Variants in LAMA1 observed in about 807,000 individuals in gnomAD.
LAMA1 encodes the protein laminin subunit alpha 1, also known as laminin subunit alpha-1.
A neutral mutation model predicts 348.7 loss-of-function variants in LAMA1; 219 were observed. The ratio of observed to expected loss-of-function variants is 0.63; its 90% confidence interval spans 0.56 to 0.70. The LOEUF is 0.70. LAMA1 is among the 30% of genes least tolerant of loss of function. The pLI is 0.00. For missense variants in LAMA1, 3,744 were observed against 3,888.0 expected (o/e 0.96, Z 0.99); for synonymous variants, 1,487 against 1,491.0 (o/e 1.00, Z 0.06).
chr18:6,950,743 A>G (rs771679337), intron 58 of LAMA1, 39 bp downstream of exon 58: 1 of 1,608,792 alleles, frequency 6.2e-7, no homozygotes, highest in Admixed American at 1.7e-5. Context: ...GATGGAACAG[A>G]ACTCAGAAGC....
At chr18:7,085,697 C>T (rs1354818453) in intron 1 of LAMA1, among the ~76,000 whole-genome samples, 5 of 152,114 alleles carry the variant, frequency 3.3e-5, no homozygotes, top group South Asian at 2.1e-4. Flanking sequence ...GGATTACAGG[C>T]GTGAGCCACC....
intron 19 of LAMA1, among the ~76,000 whole-genome samples, chr18:7,018,585 CA>C (rs1319998213): frequency 6.6e-6 from 1 of 151,700 alleles, no homozygotes; most frequent in Non-Finnish European, 1.5e-5. Flanking sequence ...TTAGTAGAGA[CA>C]GGGTTTCACC....
intron 1 of LAMA1, among the ~76,000 whole-genome samples, chr18:7,100,139 T>A (rs1598320166): frequency 1.3e-5 from 2 of 151,418 alleles, no homozygotes; most frequent in African/African-American, 4.9e-5. Context: ...AAAGACTTTG[T>A]ATCCAGGAAA....
chr18:6,965,711 G>T, intron 49 of LAMA1: 1 of 467,382 alleles, frequency 2.1e-6, no homozygotes, highest in Non-Finnish European at 3.8e-6. Context: ...ACTGACAAGG[G>T]GCCCGTTCTA....
chr18:7,067,321 A>G (rs2143757865), intron 3 of LAMA1, among the ~76,000 whole-genome samples: 1 of 152,292 alleles, frequency 6.6e-6, no homozygotes, highest in African/African-American at 2.4e-5. Context: ...AAATTACTAC[A>G]CAGAAATGAA....
Position 7,014,049 on chromosome 18 carries a change from G to C in LAMA1, c.3129C>G (p.Ala1043=), listed in dbSNP as rs781705909. The C allele has an allele frequency of 1.4e-5, 23 of 1,612,744 alleles. No individual in the cohort carries two copies. In the East Asian group the frequency reaches 4.7e-4, roughly 33 times the overall value. Residue 1043 remains alanine (A), a splice_region_variant and synonymous_variant, in exon 23 of 63, where the codon GCC becomes GCG. Coordinates refer to ENST00000389658, the MANE Select transcript of LAMA1 (RefSeq NM_005559.4). ...WGYDAEVGCQ[A]CNCSLVGSTH... ...TCGACCCCACGAGACTGCAATTGCA[G>C]GCCTGAGAGAAGGGAAAACCAACTC... is the stretch of plus-strand genomic sequence containing the variant.
At chr18:7,034,770 A>G (rs2057986983) in intron 13 of LAMA1, 80 bp from the exon 14 acceptor site, 1 of 1,378,978 alleles carries the variant, frequency 7.3e-7, no homozygotes, top group Non-Finnish European at 1.0e-6. Flanking sequence ...TTTTGTATTC[A>G]GCAACGTGGT....
intron 12 of LAMA1, among the ~76,000 whole-genome samples, chr18:7,036,369 T>G (rs1322899430): frequency 6.6e-6 from 1 of 152,266 alleles, no homozygotes; most frequent in African/African-American, 2.4e-5. Flanking sequence ...TATAAACTTT[T>G]GTTAATCACA....
chr18:7,032,051 C>A lies in LAMA1; in HGVS notation c.2274+15G>T. On this transcript the variant is annotated intron_variant, in intron 16 of 62. Transcript: ENST00000389658. ...TGAGGAGGAGAGGGCACCTGAACTACAGTGAGAGACTCACAATGCAAACGC... is the reference window on the plus strand; with the variant it reads ...TGAGGAGGAGAGGGCACCTGAACTAAAGTGAGAGACTCACAATGCAAACGC... The A allele has an allele frequency of 6.2e-7, 1 of 1,607,238 alleles. No individual in the cohort carries two copies. Among genetic ancestry groups the A allele is most frequent in the Middle Eastern group, 1.7e-4 (1 of 6,042 alleles).
At chr18:7,019,500 G>A (rs1367087497) in intron 19 of LAMA1, among the ~76,000 whole-genome samples, 1 of 151,994 alleles carries the variant, frequency 6.6e-6, no homozygotes. Flanking sequence ...CTGTTAGTCT[G>A]TGCCTGTCAC....
chr18:6,956,206 G>A (rs35614634), intron 56 of LAMA1: 70,002 of 340,214 alleles, frequency 0.21, 7,765 homozygotes, highest in Middle Eastern at 0.29. Context: ...ATGAAAAATA[G>A]CAATGGCTGC....
intron 22 of LAMA1, 118 bp downstream of exon 22, chr18:7,015,604 T>TA (rs2057883654): frequency 4.7e-6 from 6 of 1,264,906 alleles, no homozygotes; most frequent in African/African-American, 1.5e-5. Flanking sequence ...TTTTTTTTTT[T>TA]AAATTCACAA....
intron 27 of LAMA1, 71 bp from the exon 28 acceptor site, chr18:7,008,679 C>T: frequency 6.4e-7 from 1 of 1,551,048 alleles, no homozygotes; most frequent in Non-Finnish European, 8.8e-7. Flanking sequence ...AGCACATGAC[C>T]TAACACTTGC....
intron 1 of LAMA1, among the ~76,000 whole-genome samples, chr18:7,099,276 C>A (rs1009970757): frequency 6.7e-6 from 1 of 150,192 alleles, no homozygotes; most frequent in Non-Finnish European, 1.5e-5. Context: ...GCAGCATGCT[C>A]GTTAAGAGTC....
At chr18:7,110,049 C>T (rs529465953) in intron 1 of LAMA1, among the ~76,000 whole-genome samples, 14 of 152,132 alleles carry the variant, frequency 9.2e-5, no homozygotes, top group East Asian at 1.9e-4. Flanking sequence ...GGTGTAGTGG[C>T]GCGCACCTGT....
rs746315389 is a variant in LAMA1, at chr18:7,042,868, C to T, written c.1155+359G>A. ...ACTGCACTCCAGCCTGGCGACAGAG[C>T]GAGACTCCGTCTCAAAAAATAAAAA... On this transcript the variant is annotated intron_variant, in intron 8 of 62. Transcript: ENST00000389658. 11 of 244,000 alleles carry T rather than the reference C, an allele frequency of 4.5e-5. No individual in the cohort carries two copies. In the East Asian group the frequency reaches 8.9e-4, roughly 20 times the overall value. The allele number at this position is 244,000 out of a possible 1,614,324, so 15.1% of individuals were successfully genotyped here.
intron 36 of LAMA1, 112 bp downstream of exon 36, chr18:6,992,449 A>T: frequency 8.4e-7 from 1 of 1,188,858 alleles, no homozygotes; most frequent in Non-Finnish European, 1.3e-6. Context: ...CTCTTAGGAT[A>T]TTTCATTTCC....
chr18:7,039,371 G>A (rs1412936784), intron 10 of LAMA1, among the ~76,000 whole-genome samples: 1 of 152,126 alleles, frequency 6.6e-6, no homozygotes, highest in Non-Finnish European at 1.5e-5. Flanking sequence ...AATGTCCTAT[G>A]AATTATGAAG....
At chr18:7,073,407 C>G (rs186803251) in intron 3 of LAMA1, among the ~76,000 whole-genome samples, 2 of 152,178 alleles carry the variant, frequency 1.3e-5, no homozygotes, top group African/African-American at 4.8e-5. Context: ...AACAACAACT[C>G]CCCATTCTCT....
Sources: gnomAD v4.1 joint callset for allele counts (sites outside exome capture counted in the v4.1 genomes callset) on GRCh38, gnomAD v4.1.1 for gene constraint, MANE v1.5 for transcripts, NCBI Gene and HGNC (gene_info 2026-07-23, HGNC 2026-07-21) for gene names.